The following TMEM94 variants were observed in gnomAD, a reference collection of about 807,000 sequenced individuals.
TMEM94 encodes the protein transmembrane protein 94.
Under a neutral mutation model 158.6 loss-of-function variants are expected in TMEM94, and 81 were observed. The observed-to-expected ratio is 0.51, with a 90% CI of 0.43 to 0.61. The LOEUF (loss-of-function observed/expected upper bound fraction) is 0.61, where lower values mean the gene tolerates loss of function less well. TMEM94 is among the 20% of genes least tolerant of loss of function. TMEM94 has a pLI of 0.00. For missense variants in TMEM94, 1,435 were observed against 1,762.0 expected (o/e 0.81, Z 3.32); for synonymous variants, 751 against 730.7 (o/e 1.03, Z -0.45).
At chr17:75,464,620 TTTCC>T (rs1179175769) in intron 1 of TMEM94, among the ~76,000 whole-genome samples, 192 of 89,386 alleles carry the variant, frequency 2.1e-3, no homozygotes, top group East Asian at 0.015. Flanking sequence ...CCTTTCTTTC[TTTCC>T]TTCCTTCCTT....
At chr17:75,474,143 C>T (rs2050590748) in intron 2 of TMEM94, among the ~76,000 whole-genome samples, 1 of 151,920 alleles carries the variant, frequency 6.6e-6, no homozygotes, top group Non-Finnish European at 1.5e-5. Context: ...ATAGTACAAG[C>T]AGTTAAGTAA....
At chr17:75,470,549 C>G (rs967378423) in intron 1 of TMEM94, among the ~76,000 whole-genome samples, 4 of 151,276 alleles carry the variant, frequency 2.6e-5, no homozygotes, top group Non-Finnish European at 5.9e-5. Flanking sequence ...ACTAAAAATA[C>G]AAAAAATTAG....
chr17:75,469,384 C>T (rs1242966386), intron 1 of TMEM94, among the ~76,000 whole-genome samples: 5 of 146,676 alleles, frequency 3.4e-5, no homozygotes, highest in Non-Finnish European at 4.5e-5. Flanking sequence ...CTCACTTTGT[C>T]GCCCGACTGG....
In TMEM94 at chr17:75,463,114, ATG is replaced by A. The variant is rs1225761369; in HGVS notation, c.-107+6365_-107+6366del. Among the ~76,000 whole-genome samples the A allele has an allele frequency of 1.8e-3, 19 of 10,350 alleles. 3 individuals are homozygous for A. The highest frequency in any genetic ancestry group is 6.9e-3 in the South Asian group (2 of 288). 6.8% of individuals were successfully genotyped at this position (10,350 alleles called of 152,430 possible). A position where few individuals can be genotyped will look rare whatever the true frequency, so the allele number is the denominator to read the frequency against. ...CACACATATATATGTGTGTATATAT[ATG>A]TATATATATACGTGTATATATGTAT... On this transcript the variant is annotated intron_variant, in intron 1 of 31. Transcript: ENST00000314256.
At chr17:75,479,452 TG>T (rs1214312613) in intron 2 of TMEM94, among the ~76,000 whole-genome samples, 1 of 152,000 alleles carries the variant, frequency 6.6e-6, no homozygotes, top group Non-Finnish European at 1.5e-5. Context: ...CCCGAGTAGG[TG>T]AGACTACAGG....
intron 5 of TMEM94, among the ~76,000 whole-genome samples, chr17:75,486,910 C>T (rs763086051): frequency 3.9e-5 from 6 of 152,090 alleles, no homozygotes; most frequent in East Asian, 1.9e-4. Context: ...TTCATTCAGG[C>T]GGTGTTTATG....
At chr17:75,481,941 G>A (rs1274534570) in intron 2 of TMEM94, among the ~76,000 whole-genome samples, 1 of 152,210 alleles carries the variant, frequency 6.6e-6, no homozygotes, top group African/African-American at 2.4e-5. Context: ...GGGGTGTGGT[G>A]GCTCACGCCT....
chr17:75,498,804 C>G lies in TMEM94; in HGVS notation c.3827+82C>G. ...CAGGGCTAGGATCGGAGGGCGGGAC[C>G]GGGGCCAGTGGTTTAACTGTACCCT... On this transcript the variant is annotated intron_variant, in intron 30 of 31. Transcript: ENST00000314256. This position sits in a 1 kb window ranked among gnomAD's most constrained non-coding sequence, Gnocchi z 6.7. The G allele has an allele frequency of 1.3e-6, 2 of 1,524,034 alleles. No homozygotes were observed. Among genetic ancestry groups the G allele is most frequent in the Admixed American group, 2.1e-5 (1 of 47,774 alleles). 94.4% of individuals were successfully genotyped at this position (1,524,034 alleles called of 1,614,324 possible).
In TMEM94 at chr17:75,486,361, G is replaced by T. The variant is rs150495415; in HGVS notation, c.344G>T (p.Arg115Leu). 1,138 of 1,614,094 alleles carry T rather than the reference G, an allele frequency of 7.1e-4. 7 individuals carry two copies. The highest frequency in any genetic ancestry group is 7.0e-4 in the Non-Finnish European group (827 of 1,180,044). ...CTTCTCAACCTTGTGCTCATCGGGC[G>T]GCAAGACCGGCTGAAGCGTCGGGAG... ...LLLLNLVLIG[R>L]QDRLKRREVE... Residue 115 changes from arginine (R) to leucine (L), a missense_variant, in exon 5 of 32, where the codon CGG becomes CTG. This residue lies in a region of TMEM94 where 1,051 missense variants were observed against 1,254.4 expected (regional missense o/e 0.84). Transcript: ENST00000314256.
At chr17:75,459,266 G>A (rs1047610312) in intron 1 of TMEM94, among the ~76,000 whole-genome samples, 1 of 152,134 alleles carries the variant, frequency 6.6e-6, no homozygotes. Context: ...CAATGACCAG[G>A]GAGGTGAAGT....
chr17:75,497,453 A>G (rs1285863352), intron 26 of TMEM94, among the ~76,000 whole-genome samples: 1 of 149,200 alleles, frequency 6.7e-6, no homozygotes, highest in Non-Finnish European at 1.5e-5. Flanking sequence ...TCCCGGGCTC[A>G]AGTGATTCTC....
intron 2 of TMEM94, among the ~76,000 whole-genome samples, chr17:75,472,760 G>T (rs924583533): frequency 6.6e-6 from 1 of 152,158 alleles, no homozygotes; most frequent in Non-Finnish European, 1.5e-5. Context: ...TCCTGCTCCT[G>T]CCCATGGATT....
At chr17:75,459,068 A>AC (rs977611735) in intron 1 of TMEM94, among the ~76,000 whole-genome samples, 13 of 151,886 alleles carry the variant, frequency 8.6e-5, no homozygotes, top group African/African-American at 3.2e-4. Flanking sequence ...AAAAAAAAAA[A>AC]ACAAAAAAAA....
At chr17:75,464,676 C>CTTCCTTCCTTCCTTCCTTCTTTCTTTCT (rs1383092291) in intron 1 of TMEM94, among the ~76,000 whole-genome samples, 1 of 59,910 alleles carries the variant, frequency 1.7e-5, no homozygotes, top group African/African-American at 1.4e-4. Flanking sequence ...TCCTTCCTTC[C>CTTCCTTCCTTCCTTCCTTCTTTCTTTCT]TTCTTTCTTT....
At chr17:75,488,632 C>G in intron 6 of TMEM94, 127 bp from the exon 7 acceptor site, 2 of 1,096,078 alleles carry the variant, frequency 1.8e-6, no homozygotes, top group Non-Finnish European at 2.7e-6. Flanking sequence ...CAGGCCCTGT[C>G]CCAGTGGACT....
chr17:75,484,409 G>GT (rs1191994219), intron 2 of TMEM94, among the ~76,000 whole-genome samples: 17 of 146,424 alleles, frequency 1.2e-4, no homozygotes, highest in South Asian at 4.3e-4. Flanking sequence ...TTTTGTTGTT[G>GT]TTTTTTTGAG....
At chr17:75,484,448 G>A (rs1489972359) in intron 2 of TMEM94, among the ~76,000 whole-genome samples, 2 of 151,756 alleles carry the variant, frequency 1.3e-5, no homozygotes, top group Non-Finnish European at 2.9e-5. Context: ...ATTTAGGCTG[G>A]AGTGCAGTGG....
At chr17:75,471,195 G>T (rs1247101098) in intron 1 of TMEM94, among the ~76,000 whole-genome samples, 1 of 145,260 alleles carries the variant, frequency 6.9e-6, no homozygotes, top group Non-Finnish European at 1.5e-5. Flanking sequence ...GCCAAGATCG[G>T]GTCATAGCAC....
rs765721367 is a variant in TMEM94, at chr17:75,498,460, C to T, written c.3655C>T (p.Pro1219Ser). 1 of 1,588,294 alleles carries T rather than the reference C, an allele frequency of 6.3e-7. No homozygotes were observed. The highest frequency in any genetic ancestry group is 1.2e-5 in the South Asian group (1 of 86,786). The change falls in exon 29 of 32, where the codon CCA becomes TCA. Residue 1219 changes from proline to serine, a missense_variant. By Grantham distance (74) the Pro-to-Ser change is moderately conservative. This residue lies in a region of TMEM94 where 335 missense variants were observed against 409.1 expected (regional missense o/e 0.82). Coordinates refer to ENST00000314256, the MANE Select transcript of TMEM94 (RefSeq NM_014738.6). The surrounding 1 kb of genome is among the most constrained non-coding windows in gnomAD (Gnocchi z 6.7). The stretch of plus-strand genomic sequence containing the variant: ...CTTTGGCAGCAACGACGACAGGGCT[C>T]CAGCCTGGTTTGAGGACTTTGCCAA... ...VMLPSNDDRA[P>S]AWFEDFANGL... is the part of the protein sequence containing the mutation.
Sources: allele counts gnomAD v4.1 joint callset (sites outside exome capture counted in the v4.1 genomes callset), GRCh38; gene constraint gnomAD v4.1.1; regional missense constraint gnomAD v4.1.1; non-coding constraint Gnocchi (gnomAD v3.1); transcripts MANE v1.5; gene names NCBI Gene and HGNC (gene_info 2026-07-23, HGNC 2026-07-21).